Variants in CAMTA1 observed in about 807,000 individuals in gnomAD.
CAMTA1 encodes the protein calmodulin binding transcription activator 1, also known as calmodulin-binding transcription activator 1.
A neutral mutation model predicts 170.9 loss-of-function variants in CAMTA1; 27 were observed. The ratio of observed to expected loss-of-function variants is 0.16; its 90% CI spans 0.12 to 0.22. The LOEUF is 0.22. Among genes scored for constraint, CAMTA1 ranks in the 10% least tolerant of loss-of-function variants. The probability of loss-of-function intolerance (pLI) is 1.00; values close to 1 mark genes in which losing one functional copy is unlikely to be tolerated. For synonymous variants in CAMTA1, 833 were observed against 891.5 expected, an observed-to-expected ratio of 0.93 and a Z score of 1.17; for missense variants, 1,619 against 2,217.2, an observed-to-expected ratio of 0.73 and a Z score of 5.42.
intron 4 of CAMTA1, among the ~76,000 whole-genome samples, chr1:7,182,338 C>T (rs760144975): frequency 1.1e-4 from 16 of 151,834 alleles, no homozygotes; most frequent in Non-Finnish European, 1.8e-4. Flanking sequence ...CCCAGGAGTT[C>T]GAGACTAGCC....
chr1:7,333,288 G>C lies in CAMTA1; in HGVS notation c.438+83662G>C, dbSNP rs1458342354. Among the ~76,000 whole-genome samples the C allele has an allele frequency of 6.6e-6, 1 of 152,186 alleles. No individual in the cohort carries two copies. The highest frequency in any genetic ancestry group is 2.4e-5 in the African/African-American group (1 of 41,444). On this transcript the variant is annotated intron_variant, in intron 5 of 22. Coordinates refer to ENST00000303635, the MANE Select transcript of CAMTA1 (RefSeq NM_015215.4). This position sits in a 1 kb window ranked among gnomAD's most constrained non-coding sequence, Gnocchi z 4.4. ...GTCGAGGTTGGGCTCTGCAAGCTTTGGCAATTGACATGAGTTGAACCTAGT... is the reference window on the plus strand; with the variant it reads ...GTCGAGGTTGGGCTCTGCAAGCTTTCGCAATTGACATGAGTTGAACCTAGT...
At position 7,251,619 on chromosome 1, in the gene CAMTA1, G is replaced by A. The variant is rs1348856590; in HGVS notation, c.438+1993G>A. On this transcript the variant is annotated intron_variant, in intron 5 of 22. Transcript: ENST00000303635. The surrounding 1 kb of genome is among the most constrained non-coding windows in gnomAD (Gnocchi z 5.1). ...GATATCGACCCTGTGTGCCTACTCT[G>A]TGCAAGGCACTATGGTGTCAGCAGA... 6.6e-6 allele frequency among the ~76,000 whole-genome samples: 1 copy of A among 152,184 alleles called. No individual in the cohort carries two copies. The highest frequency in any genetic ancestry group is 1.5e-5 in the Non-Finnish European group (1 of 68,034).
At chr1:7,285,412 A>G (rs780917706) in intron 5 of CAMTA1, among the ~76,000 whole-genome samples, 88 of 152,254 alleles carry the variant, frequency 5.8e-4, no homozygotes, top group Non-Finnish European at 1.1e-3. Flanking sequence ...GACCCTGGCC[A>G]TGGGGCTGCC....
chr1:6,826,713 A>T (rs965240264), intron 3 of CAMTA1, among the ~76,000 whole-genome samples: 1 of 152,042 alleles, frequency 6.6e-6, no homozygotes, highest in African/African-American at 2.4e-5. Flanking sequence ...TATTTATTTT[A>T]TTTTTTCCCA....
chr1:7,262,828 T>C (rs1168605805), intron 5 of CAMTA1, among the ~76,000 whole-genome samples: 1 of 152,192 alleles, frequency 6.6e-6, no homozygotes, highest in East Asian at 1.9e-4. Flanking sequence ...GTCTGAGAGC[T>C]GCTGCTGCAG....
intron 5 of CAMTA1, among the ~76,000 whole-genome samples, chr1:7,383,453 A>G (rs2087580668): frequency 6.6e-6 from 1 of 152,236 alleles, no homozygotes; most frequent in Non-Finnish European, 1.5e-5. Flanking sequence ...CTGTCTGCCC[A>G]GTAACTAACC....
At chr1:7,378,283 C>T (rs2087000178) in intron 5 of CAMTA1, among the ~76,000 whole-genome samples, 1 of 152,154 alleles carries the variant, frequency 6.6e-6, no homozygotes, top group Non-Finnish European at 1.5e-5. Flanking sequence ...TGTGCTCTGC[C>T]AGAGAGATCC....
intron 3 of CAMTA1, among the ~76,000 whole-genome samples, chr1:7,037,761 C>A (rs1230336329): frequency 2.0e-5 from 3 of 151,628 alleles, no homozygotes; most frequent in Non-Finnish European, 4.4e-5. Context: ...TGGCATGAAC[C>A]CGGGAGGCGG....
At chr1:7,661,357 G>A (rs1194574314) in intron 7 of CAMTA1, among the ~76,000 whole-genome samples, 1 of 152,222 alleles carries the variant, frequency 6.6e-6, no homozygotes, top group African/African-American at 2.4e-5. Flanking sequence ...AAGTCCCTCA[G>A]CCTCCTGTCC....
chr1:7,741,418 C>T (rs1300594548), intron 16 of CAMTA1, among the ~76,000 whole-genome samples: 1 of 151,994 alleles, frequency 6.6e-6, no homozygotes, highest in Non-Finnish European at 1.5e-5. Context: ...AAAAAATTAG[C>T]CAGGCATGGT....
chr1:7,656,356 C>T (rs774714821), intron 7 of CAMTA1, among the ~76,000 whole-genome samples: 1 of 152,220 alleles, frequency 6.6e-6, no homozygotes, highest in Non-Finnish European at 1.5e-5. Context: ...CTCACTGCTT[C>T]CTCATATAAC....
chr1:7,526,695 A>C (rs1315554501), intron 6 of CAMTA1, among the ~76,000 whole-genome samples: 1 of 152,152 alleles, frequency 6.6e-6, no homozygotes, highest in African/African-American at 2.4e-5. Context: ...CCAGCCACTC[A>C]CTTGGAGAAC....
At chr1:6,833,515 G>A (rs1651421478) in intron 3 of CAMTA1, among the ~76,000 whole-genome samples, 1 of 152,206 alleles carries the variant, frequency 6.6e-6, no homozygotes, top group Non-Finnish European at 1.5e-5. Flanking sequence ...CTCGCAACAT[G>A]AGTATCATAC....
rs1429831920 is a variant in CAMTA1, at chr1:7,748,611, G to C, written c.4689+830G>C. Among the ~76,000 whole-genome samples, 1 of 152,116 alleles carries C rather than the reference G, an allele frequency of 6.6e-6. No individual in the cohort carries two copies. The highest frequency in any genetic ancestry group is 2.4e-5 in the African/African-American group (1 of 41,412). On this transcript the variant is annotated intron_variant, in intron 19 of 22. Coordinates refer to ENST00000303635, the MANE Select transcript of CAMTA1 (RefSeq NM_015215.4). The surrounding 1 kb of genome is among the most constrained non-coding windows in gnomAD (Gnocchi z 4.7). Reference sequence around the variant, plus strand: ...AATCCAGGGTGTGATACCGTGATTGGAGAAAGTAAATGCTGGCTATTTATT... The same window carrying C: ...AATCCAGGGTGTGATACCGTGATTGCAGAAAGTAAATGCTGGCTATTTATT...
chr1:7,698,914 C>G (rs936685562), intron 11 of CAMTA1: 1 of 152,322 alleles, frequency 6.6e-6, no homozygotes, highest in Non-Finnish European at 1.5e-5. Flanking sequence ...CAGGGCCTGT[C>G]TATTCAGATT....
At chr1:7,207,129 A>G (rs868846195) in intron 4 of CAMTA1, among the ~76,000 whole-genome samples, 2 of 152,218 alleles carry the variant, frequency 1.3e-5, no homozygotes, top group Non-Finnish European at 2.9e-5. Flanking sequence ...CTTGCATTAT[A>G]TCTGTTGTAT....
At chr1:7,414,985 C>T (rs1285863348) in intron 5 of CAMTA1, among the ~76,000 whole-genome samples, 1 of 150,892 alleles carries the variant, frequency 6.6e-6, no homozygotes, top group African/African-American at 2.4e-5. Context: ...TTTCAAAGAA[C>T]ATCTTTATTT....
chr1:7,549,981 A>G (rs1575976897), intron 6 of CAMTA1, among the ~76,000 whole-genome samples: 1 of 152,044 alleles, frequency 6.6e-6, no homozygotes, highest in South Asian at 2.1e-4. Flanking sequence ...TGCTCGGAGG[A>G]GGAGTCTCAA....
At chr1:7,576,258 C>T (rs781312562) in intron 6 of CAMTA1, among the ~76,000 whole-genome samples, 18 of 152,268 alleles carry the variant, frequency 1.2e-4, no homozygotes, top group Admixed American at 2.0e-4. Context: ...GATCCATCCG[C>T]CTCGGCCACC....
Sources: allele counts gnomAD v4.1 joint callset (sites outside exome capture counted in the v4.1 genomes callset), GRCh38; gene constraint gnomAD v4.1.1; non-coding constraint Gnocchi (gnomAD v3.1); transcripts MANE v1.5; gene names NCBI Gene and HGNC (gene_info 2026-07-23, HGNC 2026-07-21).